Variants in CCDC91 observed in about 807,000 individuals in gnomAD.
CCDC91 encodes the protein coiled-coil domain-containing protein 91.
A neutral mutation model predicts 63.2 loss-of-function variants in CCDC91; 48 were observed. That is an observed-to-expected ratio of 0.76 (90% confidence interval 0.60 to 0.97). The LOEUF is 0.97. Ranked by LOEUF, CCDC91 falls within the 50% of genes least tolerant of loss-of-function variation. The pLI is 0.00. For missense variants in CCDC91, 500 were observed against 494.6 expected (o/e 1.01, Z -0.10); for synonymous variants, 167 against 165.8 (o/e 1.01, Z -0.06).
intron 8 of CCDC91, among the ~76,000 whole-genome samples, chr12:28,444,528 G>A (rs1949399240): frequency 6.6e-6 from 1 of 152,150 alleles, no homozygotes; most frequent in Non-Finnish European, 1.5e-5. Flanking sequence ...CGTGTTTGTG[G>A]GAACATGGAT....
chr12:28,311,445 CA>C, intron 6 of CCDC91, among the ~76,000 whole-genome samples: 1 of 151,932 alleles, frequency 6.6e-6, no homozygotes, highest in Non-Finnish European at 1.5e-5. Context: ...TCTCTGATAC[CA>C]CATCGAGGTC....
intron 12 of CCDC91, among the ~76,000 whole-genome samples, chr12:28,496,381 C>T (rs779037334): frequency 2.6e-5 from 4 of 151,508 alleles, no homozygotes; most frequent in South Asian, 4.2e-4. Context: ...ATCAAAGTCT[C>T]GCACATTTGA....
intron 6 of CCDC91, among the ~76,000 whole-genome samples, chr12:28,334,040 ATGTG>A (rs148910206): frequency 6.7e-6 from 1 of 148,414 alleles, no homozygotes; most frequent in South Asian, 2.1e-4. Flanking sequence ...GGCAGAATTT[ATGTG>A]TGTGTGTGTG....
intron 6 of CCDC91, among the ~76,000 whole-genome samples, chr12:28,328,769 G>C (rs1941239784): frequency 6.6e-6 from 1 of 152,014 alleles, no homozygotes; most frequent in African/African-American, 2.4e-5. Context: ...TTATGAATGT[G>C]TTAGATATGA....
At chr12:28,318,772 C>G (rs930320281) in intron 6 of CCDC91, among the ~76,000 whole-genome samples, 1 of 151,970 alleles carries the variant, frequency 6.6e-6, no homozygotes, top group Non-Finnish European at 1.5e-5. Flanking sequence ...TTTATTGGAA[C>G]TAAATGGAAC....
At chr12:28,503,724 G>T (rs1397843910) in intron 12 of CCDC91, among the ~76,000 whole-genome samples, 2 of 152,110 alleles carry the variant, frequency 1.3e-5, no homozygotes, top group Admixed American at 1.3e-4. Flanking sequence ...AGAAAATGTG[G>T]CACATATACA....
intron 1 of CCDC91, chr12:28,236,304 G>A (rs1944945199): frequency 6.6e-6 from 1 of 151,906 alleles, no homozygotes; most frequent in Non-Finnish European, 1.5e-5. Flanking sequence ...GTTAGAGGCA[G>A]TTTTCTGTGA....
intron 8 of CCDC91, among the ~76,000 whole-genome samples, chr12:28,412,511 G>C (rs1947377550): frequency 6.6e-6 from 1 of 152,166 alleles, no homozygotes; most frequent in Admixed American, 6.5e-5. Flanking sequence ...GTTGGTTCCT[G>C]CTGGTGGGAT....
chr12:28,488,433 C>CA (rs1272008785), intron 12 of CCDC91, among the ~76,000 whole-genome samples: 8 of 151,646 alleles, frequency 5.3e-5, no homozygotes, highest in African/African-American at 1.9e-4. Flanking sequence ...ATAAGGAGAG[C>CA]TTTTAAAATG....
chr12:28,428,297 G>A (rs573723021), intron 8 of CCDC91, among the ~76,000 whole-genome samples: 24 of 151,936 alleles, frequency 1.6e-4, no homozygotes, highest in Non-Finnish European at 2.9e-4. Flanking sequence ...TTGGCCACGC[G>A]TAGTGGCTCA....
At chr12:28,318,509 C>G (rs1313318368) in intron 6 of CCDC91, among the ~76,000 whole-genome samples, 2 of 151,974 alleles carry the variant, frequency 1.3e-5, no homozygotes, top group Non-Finnish European at 2.9e-5. Flanking sequence ...CCACTGTACT[C>G]TAACCTCAGT....
chr12:28,401,617 T>C (rs1946627573), intron 8 of CCDC91, among the ~76,000 whole-genome samples: 1 of 152,152 alleles, frequency 6.6e-6, no homozygotes, highest in African/African-American at 2.4e-5. Flanking sequence ...GAGAACTCAC[T>C]ATCAGGAGAA....
chr12:28,307,009 A>T lies in CCDC91; in HGVS notation c.471+64A>T, dbSNP rs187285016. 2.0e-4 allele frequency: 215 copies of T among 1,097,168 alleles called. No homozygotes were observed. The East Asian group carries it at 4.4e-3, about 23-fold the overall frequency. The allele number at this position is 1,097,168 out of a possible 1,614,324, so 68.0% of individuals were successfully genotyped here. A position where few individuals can be genotyped will look rare whatever the true frequency, so the allele number is the denominator to read the frequency against. On this transcript the variant is annotated intron_variant, in intron 5 of 12. Coordinates refer to ENST00000536442, the MANE Select transcript of CCDC91 (RefSeq NM_018318.5). ...ATATTAGAAATTTGATATAATCTCA[A>T]ACTCTGATTAAAAACTCATCAGAGG...
At chr12:28,505,739 C>T (rs1938630475) in intron 12 of CCDC91, among the ~76,000 whole-genome samples, 1 of 151,906 alleles carries the variant, frequency 6.6e-6, no homozygotes, top group African/African-American at 2.4e-5. Context: ...GCTTCTGTAT[C>T]TGAAAAGATT....
chr12:28,349,059 C>T (rs1195148960), intron 6 of CCDC91, among the ~76,000 whole-genome samples: 2 of 152,058 alleles, frequency 1.3e-5, no homozygotes, highest in Non-Finnish European at 2.9e-5. Context: ...ATATGAATTA[C>T]TATGTTTTGT....
At chr12:28,270,162 T>G (rs1021212346) in intron 3 of CCDC91, among the ~76,000 whole-genome samples, 4 of 152,140 alleles carry the variant, frequency 2.6e-5, no homozygotes, top group African/African-American at 4.8e-5. Context: ...CTAGTTTTAT[T>G]GTGGACCTCC....
intron 1 of CCDC91, among the ~76,000 whole-genome samples, chr12:28,252,392 G>A (rs993049994): frequency 3.3e-5 from 5 of 151,686 alleles, no homozygotes; most frequent in Non-Finnish European, 7.4e-5. Flanking sequence ...TGAACTCCTA[G>A]AGTCCTAATA....
chr12:28,394,318 T>C (rs939193142), intron 8 of CCDC91, among the ~76,000 whole-genome samples: 22 of 151,880 alleles, frequency 1.4e-4, no homozygotes, highest in Non-Finnish European at 2.4e-4. Flanking sequence ...TACAAAAAAT[T>C]AGCCGGGTGT....
intron 12 of CCDC91, among the ~76,000 whole-genome samples, chr12:28,496,866 ATATATATATATG>A (rs1952311489): frequency 6.9e-6 from 1 of 143,902 alleles, no homozygotes; most frequent in South Asian, 2.1e-4. Flanking sequence ...TTCTTAAGGT[ATATATATATATG>A]TATATATGTA....
Sources: gnomAD v4.1 joint callset for allele counts (sites outside exome capture counted in the v4.1 genomes callset) on GRCh38, gnomAD v4.1.1 for gene constraint, MANE v1.5 for transcripts, NCBI Gene and HGNC (gene_info 2026-07-23, HGNC 2026-07-21) for gene names.